Variants in BTBD9 observed in about 807,000 individuals in gnomAD.
BTBD9 encodes BTB domain containing 9.
Under a neutral mutation model 64.3 loss-of-function variants are expected in BTBD9, and 49 were observed. The observed-to-expected ratio is 0.76, with a 90% CI of 0.61 to 0.97. The LOEUF (loss-of-function observed/expected upper bound fraction) is 0.97. Among genes scored for constraint, BTBD9 ranks in the 50% least tolerant of loss-of-function variants. The probability of loss-of-function intolerance (pLI) is 0.00; values close to 1 mark genes in which losing one functional copy is unlikely to be tolerated. For synonymous variants in BTBD9, 260 were observed against 274.7 expected (o/e 0.95, Z 0.53); for missense variants, 598 against 762.1 (o/e 0.78, Z 2.53).
At chr6:38,488,894 C>CTT (rs66933448) in intron 6 of BTBD9, among the ~76,000 whole-genome samples, 1 of 132,796 alleles carries the variant, frequency 7.5e-6, no homozygotes, top group Non-Finnish European at 1.6e-5. Context: ...TTCCTTGCAA[C>CTT]TTTTTTTTTT....
At chr6:38,284,562 C>G (rs758189395) in intron 8 of BTBD9, among the ~76,000 whole-genome samples, 3 of 152,164 alleles carry the variant, frequency 2.0e-5, no homozygotes, top group African/African-American at 7.2e-5. Context: ...CCCCTCCCCC[C>G]AGTTTCCCCT....
Position 38,303,870 on chromosome 6 carries a change from T to C in BTBD9, c.1265-15409A>G, listed in dbSNP as rs1221017741. Among the ~76,000 whole-genome samples the C allele has an allele frequency of 1.8e-3, 202 of 113,000 alleles. 1 individual carries two copies. Among genetic ancestry groups the C allele is most frequent in the African/African-American group, 7.5e-3 (177 of 23,698 alleles). The allele number at this position is 113,000 out of a possible 152,430, so 74.1% of individuals were successfully genotyped here. A position where few individuals can be genotyped will look rare whatever the true frequency, so the allele number is the denominator to read the frequency against. On this transcript the variant is annotated intron_variant, in intron 7 of 10. Coordinates refer to ENST00000481247, the MANE Select transcript of BTBD9 (RefSeq NM_001099272.2). Reference sequence around the variant, plus strand: ...ATATATATATATATATATATATATATATATACACACACACACATGTGTATA... The same window carrying C: ...ATATATATATATATATATATATATACATATACACACACACACATGTGTATA...
intron 6 of BTBD9, among the ~76,000 whole-genome samples, chr6:38,483,080 C>T (rs1771235528): frequency 6.6e-6 from 1 of 151,934 alleles, no homozygotes; most frequent in African/African-American, 2.4e-5. Context: ...TTCCAGTCCA[C>T]ACACACACAT....
intron 1 of BTBD9, among the ~76,000 whole-genome samples, chr6:38,618,857 G>A (rs1777886984): frequency 6.6e-6 from 1 of 152,142 alleles, no homozygotes. Flanking sequence ...GGAGATGCCT[G>A]GTAACTTAGT....
chr6:38,534,007 TAAAAG>T (rs964284745), intron 6 of BTBD9, among the ~76,000 whole-genome samples: 1 of 150,386 alleles, frequency 6.6e-6, no homozygotes, highest in African/African-American at 2.4e-5. Flanking sequence ...CAAAAATGAG[TAAAAG>T]AAAATAAATA....
intron 6 of BTBD9, among the ~76,000 whole-genome samples, chr6:38,429,326 G>A (rs1041311061): frequency 6.6e-6 from 1 of 151,112 alleles, no homozygotes; most frequent in African/African-American, 2.4e-5. Flanking sequence ...GTGGTGGCAG[G>A]CACCTGTAAT....
At chr6:38,515,168 A>G (rs556992959) in intron 6 of BTBD9, among the ~76,000 whole-genome samples, 15 of 152,346 alleles carry the variant, frequency 9.8e-5, no homozygotes, top group African/African-American at 3.4e-4. Flanking sequence ...ACTCAGCTGC[A>G]GAATATTACT....
rs1762801256 is a variant in BTBD9, at chr6:38,210,576, G to C, written c.1563-17979C>G. Among the ~76,000 whole-genome samples the C allele has an allele frequency of 1.4e-5, 2 of 139,524 alleles. 1 individual carries two copies. Among genetic ancestry groups the C allele is most frequent in the South Asian group, 4.6e-4 (2 of 4,358 alleles). The allele number at this position is 139,524 out of a possible 152,430, so 91.5% of individuals were successfully genotyped here. On this transcript the variant is annotated intron_variant, in intron 9 of 10. Coordinates refer to ENST00000481247, the MANE Select transcript of BTBD9 (RefSeq NM_001099272.2). The stretch of plus-strand genomic sequence containing the variant: ...TGTGTGTGTGTGTGTGTGTGTGTGT[G>C]TCTGCATCTGGGCAAGAGTTTTTGT...
At chr6:38,275,618 C>G (rs1337192283) in intron 8 of BTBD9, among the ~76,000 whole-genome samples, 2 of 151,544 alleles carry the variant, frequency 1.3e-5, no homozygotes, top group Non-Finnish European at 3.0e-5. Context: ...GGGCTAATAT[C>G]CAGAATCTAC....
At position 38,289,649 on chromosome 6, in the gene BTBD9, CT is replaced by C. The variant is rs566865157; in HGVS notation, c.1265-1189del. Among the ~76,000 whole-genome samples the C allele has an allele frequency of 2.2e-3, 329 of 152,090 alleles. 2 individuals carry two copies. Among genetic ancestry groups the C allele is most frequent in the Non-Finnish European group, 2.9e-3 (196 of 67,968 alleles). On this transcript the variant is annotated intron_variant, in intron 7 of 10. Coordinates refer to ENST00000481247, the MANE Select transcript of BTBD9 (RefSeq NM_001099272.2). ...AGTTGCCCTCAGCCATGATTAATTTCTTTTTTTTGTCTACTATTCTGTGCAT... is the reference window on the plus strand; with the variant it reads ...AGTTGCCCTCAGCCATGATTAATTTCTTTTTTTGTCTACTATTCTGTGCAT...
intron 6 of BTBD9, among the ~76,000 whole-genome samples, chr6:38,443,052 T>C (rs1236019654): frequency 6.6e-6 from 1 of 152,222 alleles, no homozygotes; most frequent in Non-Finnish European, 1.5e-5. Context: ...ATCATCTTAA[T>C]TTCTGCTATG....
chr6:38,227,079 G>A (rs773151504), intron 9 of BTBD9, among the ~76,000 whole-genome samples: 3 of 152,228 alleles, frequency 2.0e-5, no homozygotes, highest in Non-Finnish European at 4.4e-5. Flanking sequence ...ATGTCCTGGA[G>A]AGGCTTGCTC....
At chr6:38,298,045 C>T (rs9380731) in intron 7 of BTBD9, among the ~76,000 whole-genome samples, 11,616 of 151,470 alleles carry the variant, frequency 0.077, 996 homozygotes, top group East Asian at 0.41. Context: ...TTAGTACAGA[C>T]GGGGTTTCAC....
At chr6:38,630,558 T>C (rs556015624) in intron 1 of BTBD9, among the ~76,000 whole-genome samples, 8 of 152,132 alleles carry the variant, frequency 5.3e-5, no homozygotes, top group African/African-American at 9.7e-5. Flanking sequence ...ATGTTAACAT[T>C]TGGGAGATGT....
chr6:38,634,578 A>T (rs1395003005), intron 1 of BTBD9, among the ~76,000 whole-genome samples: 1 of 150,514 alleles, frequency 6.6e-6, no homozygotes, highest in African/African-American at 2.5e-5. Flanking sequence ...CTTTTTTTTA[A>T]AAAAAAAGGG....
chr6:38,311,399 T>C (rs1225514260), intron 7 of BTBD9, among the ~76,000 whole-genome samples: 1 of 152,184 alleles, frequency 6.6e-6, no homozygotes, highest in Non-Finnish European at 1.5e-5. Flanking sequence ...TTGTTGCAAA[T>C]GACAGGATAT....
At chr6:38,553,017 A>T (rs1385590893) in intron 6 of BTBD9, among the ~76,000 whole-genome samples, 1 of 152,196 alleles carries the variant, frequency 6.6e-6, no homozygotes, top group Non-Finnish European at 1.5e-5. Context: ...TCTTCAATCC[A>T]CATCAGTCAA....
intron 7 of BTBD9, among the ~76,000 whole-genome samples, chr6:38,328,999 TG>T (rs1763569291): frequency 6.6e-6 from 1 of 150,716 alleles, no homozygotes; most frequent in African/African-American, 2.4e-5. Flanking sequence ...TGTGTGTGTG[TG>T]TGTGTGTGTG....
chr6:38,478,209 T>C (rs1198193727), intron 6 of BTBD9, among the ~76,000 whole-genome samples: 2 of 152,210 alleles, frequency 1.3e-5, no homozygotes, highest in African/African-American at 4.8e-5. Context: ...TACGTGCGTA[T>C]ATATGTGAGG....
Sources: allele counts gnomAD v4.1 joint callset (sites outside exome capture counted in the v4.1 genomes callset), GRCh38; gene constraint gnomAD v4.1.1; transcripts MANE v1.5; gene names NCBI Gene and HGNC (gene_info 2026-07-23, HGNC 2026-07-21).